Variants in GRIP1 observed in about 807,000 individuals in gnomAD.
GRIP1 encodes glutamate receptor-interacting protein 1.
A neutral mutation model predicts 129.9 loss-of-function variants in GRIP1; 45 were observed. The ratio of observed to expected loss-of-function variants is 0.35; its 90% confidence interval spans 0.27 to 0.44. The LOEUF (loss-of-function observed/expected upper bound fraction) is 0.44, where lower values mean the gene tolerates loss of function less well. Among genes scored for constraint, GRIP1 ranks in the 20% least tolerant of loss-of-function variants. The pLI is 1.00. For missense variants in GRIP1, 1,196 were observed against 1,396.8 expected (o/e 0.86, Z 2.29); for synonymous variants, 530 against 520.8 (o/e 1.02, Z -0.24).
At chr12:66,581,633 G>A (rs1366177549) in intron 2 of GRIP1, among the ~76,000 whole-genome samples, 6 of 151,650 alleles carry the variant, frequency 4.0e-5, no homozygotes, top group African/African-American at 7.3e-5. Context: ...ACACCTCTAC[G>A]CAAATAAACT....
At chr12:66,638,954 G>A (rs1056800480) in intron 1 of GRIP1, among the ~76,000 whole-genome samples, 1 of 152,134 alleles carries the variant, frequency 6.6e-6, no homozygotes, top group Non-Finnish European at 1.5e-5. Context: ...TTTGTGAAAT[G>A]GGGATTAGTT....
At chr12:66,901,280 G>T (rs555078277) in intron 1 of GRIP1, among the ~76,000 whole-genome samples, 1 of 152,238 alleles carries the variant, frequency 6.6e-6, no homozygotes, top group African/African-American at 2.4e-5. Context: ...CATGATGAGG[G>T]GAACAAAATA....
intron 1 of GRIP1, among the ~76,000 whole-genome samples, chr12:66,606,922 C>T (rs1483534509): frequency 6.6e-6 from 1 of 151,990 alleles, no homozygotes; most frequent in Non-Finnish European, 1.5e-5. Flanking sequence ...AAAAATGAAG[C>T]TTTAACATAC....
At chr12:66,612,244 A>G (rs531306664) in intron 1 of GRIP1, among the ~76,000 whole-genome samples, 1 of 152,266 alleles carries the variant, frequency 6.6e-6, no homozygotes, top group East Asian at 1.9e-4. Flanking sequence ...ACAATCCCAG[A>G]TGGTATGGTC....
intron 1 of GRIP1, among the ~76,000 whole-genome samples, chr12:66,621,515 C>T (rs746804835): frequency 1.3e-5 from 2 of 152,044 alleles, no homozygotes; most frequent in South Asian, 2.1e-4. Flanking sequence ...ACATTTGGCT[C>T]GTGTCCACCT....
intron 2 of GRIP1, among the ~76,000 whole-genome samples, chr12:66,564,301 G>T (rs978853677): frequency 7.7e-5 from 9 of 116,210 alleles, no homozygotes; most frequent in Non-Finnish European, 1.3e-4. Context: ...AACAGGCTCC[G>T]GTGTGTGATG....
At chr12:66,589,507 AG>A (rs2063776515) in intron 2 of GRIP1, among the ~76,000 whole-genome samples, 1 of 152,158 alleles carries the variant, frequency 6.6e-6, no homozygotes, top group South Asian at 2.1e-4. Flanking sequence ...TCTCATTCCA[AG>A]TCAGTGTTTC....
chr12:66,386,069 G>A (rs2056344387), intron 19 of GRIP1, among the ~76,000 whole-genome samples: 1 of 152,112 alleles, frequency 6.6e-6, no homozygotes, highest in Non-Finnish European at 1.5e-5. Flanking sequence ...TTTGCATAAT[G>A]GAAAACAGGT....
rs2056625439 is a variant in GRIP1 at position 66,392,399 on chromosome 12, G to C, written c.2373C>G (p.Leu791=). The C allele has an allele frequency of 6.2e-7, 1 of 1,614,022 alleles. No homozygotes were observed. Among genetic ancestry groups the C allele is most frequent in the Non-Finnish European group, 8.5e-7 (1 of 1,179,898 alleles). ...GCACCGTGGAGGGGTACATGTCGGA[G>C]AGCTTGCCTGGCTTCTGTGCTGGTG... The part of the protein sequence containing the change: ...DSSPAQKPGK[L]SDMYPSTVPS... Residue 791 remains leucine (L), a synonymous_variant, in exon 19 of 25, where the codon CTC becomes CTG. Coordinates refer to ENST00000359742, the MANE Select transcript of GRIP1 (RefSeq NM_001366722.1).
intron 7 of GRIP1, among the ~76,000 whole-genome samples, chr12:66,478,001 T>C (rs140299727): frequency 0.26 from 40,251 of 152,102 alleles, 5,535 homozygotes; most frequent in Middle Eastern, 0.43. Context: ...CCAAAAGCAA[T>C]GGCAACAAAA....
At chr12:66,869,148 A>G (rs558947477) in intron 1 of GRIP1, among the ~76,000 whole-genome samples, 2 of 152,012 alleles carry the variant, frequency 1.3e-5, no homozygotes, top group South Asian at 2.1e-4. Context: ...AGCAAGGGCT[A>G]TTTCTATTCA....
intron 1 of GRIP1, among the ~76,000 whole-genome samples, chr12:66,864,908 A>C (rs773081776): frequency 1.3e-5 from 2 of 152,148 alleles, no homozygotes; most frequent in African/African-American, 4.8e-5. Flanking sequence ...TGCTATACAG[A>C]TCTCTCTTCT....
At chr12:66,639,036 T>G (rs1361609843) in intron 1 of GRIP1, among the ~76,000 whole-genome samples, 2 of 151,924 alleles carry the variant, frequency 1.3e-5, no homozygotes, top group African/African-American at 2.4e-5. Context: ...AGCTAAAGCA[T>G]GTAGTCAATC....
At chr12:66,972,530 T>C (rs779594380) in intron 1 of GRIP1, among the ~76,000 whole-genome samples, 8 of 152,200 alleles carry the variant, frequency 5.3e-5, no homozygotes, top group Non-Finnish European at 8.8e-5. Context: ...AAGCTGAATT[T>C]TTTATTTTAT....
At chr12:66,717,062 G>C (rs544819001) in intron 1 of GRIP1, among the ~76,000 whole-genome samples, 2 of 152,152 alleles carry the variant, frequency 1.3e-5, no homozygotes, top group East Asian at 3.9e-4. Flanking sequence ...CTAGGCAGGA[G>C]TGATCTTTAG....
At chr12:67,046,387 A>G (rs2043254299) in intron 1 of GRIP1, among the ~76,000 whole-genome samples, 1 of 152,192 alleles carries the variant, frequency 6.6e-6, no homozygotes, top group Non-Finnish European at 1.5e-5. Context: ...ATTCCCTTCC[A>G]TACAAGATTC....
chr12:66,613,070 A>G (rs1459456410), intron 1 of GRIP1, among the ~76,000 whole-genome samples: 2 of 152,194 alleles, frequency 1.3e-5, no homozygotes, highest in Non-Finnish European at 2.9e-5. Context: ...AATCCCCTAA[A>G]TACACAAGAA....
intron 1 of GRIP1, among the ~76,000 whole-genome samples, chr12:66,797,579 A>AT (rs2038737499): frequency 1.3e-5 from 2 of 152,218 alleles, no homozygotes. Flanking sequence ...TTATGGAAAG[A>AT]ATATAGTTTC....
At chr12:67,040,510 T>C (rs535021319) in intron 1 of GRIP1, among the ~76,000 whole-genome samples, 54 of 151,724 alleles carry the variant, frequency 3.6e-4, no homozygotes, top group African/African-American at 1.3e-3. Flanking sequence ...TCACAGAGAG[T>C]CCTTTGAGAC....
Sources: gnomAD v4.1 joint callset for allele counts (sites outside exome capture counted in the v4.1 genomes callset) on GRCh38, gnomAD v4.1.1 for gene constraint, MANE v1.5 for transcripts, NCBI Gene and HGNC (gene_info 2026-07-23, HGNC 2026-07-21) for gene names.